Variants in ZMYND8 observed in about 807,000 individuals in gnomAD.
ZMYND8 encodes zinc finger MYND-type containing 8, also known as MYND-type zinc finger-containing chromatin reader ZMYND8.
Under a neutral mutation model 140.8 loss-of-function variants are expected in ZMYND8, and 37 were observed. That is an observed-to-expected ratio of 0.26 (90% CI 0.20 to 0.35). The LOEUF (loss-of-function observed/expected upper bound fraction) is 0.35. ZMYND8 is among the 10% of genes least tolerant of loss of function. The pLI, the probability that ZMYND8 is intolerant of heterozygous loss-of-function variation, is 1.00. For missense variants in ZMYND8, 1,068 were observed against 1,570.0 expected (o/e 0.68, Z 5.40); for synonymous variants, 592 against 597.1 (o/e 0.99, Z 0.12).
intron 2 of ZMYND8, among the ~76,000 whole-genome samples, chr20:47,331,258 C>T (rs1601995923): frequency 6.6e-6 from 1 of 152,070 alleles, no homozygotes; most frequent in African/African-American, 2.4e-5. Flanking sequence ...TGGGAGGGTG[C>T]GGCAGATAGA....
chr20:47,260,944 G>A (rs1300112486), intron 12 of ZMYND8, among the ~76,000 whole-genome samples: 16 of 152,312 alleles, frequency 1.1e-4, no homozygotes, highest in Non-Finnish European at 2.2e-4. Flanking sequence ...AACAGCAGCC[G>A]GGCACAGTGG....
chr20:47,267,245 G>A (rs2075592757), intron 11 of ZMYND8, among the ~76,000 whole-genome samples: 1 of 151,848 alleles, frequency 6.6e-6, no homozygotes. Flanking sequence ...GCTGTGGGGT[G>A]AGAGGTAGGG....
intron 21 of ZMYND8, among the ~76,000 whole-genome samples, chr20:47,214,941 A>G (rs1240676679): frequency 6.6e-6 from 1 of 152,174 alleles, no homozygotes; most frequent in Non-Finnish European, 1.5e-5. Flanking sequence ...TCTGCTGCTG[A>G]CCACGGTGGC....
chr20:47,275,015 G>A (rs374124428), intron 11 of ZMYND8, among the ~76,000 whole-genome samples: 1 of 152,104 alleles, frequency 6.6e-6, no homozygotes, highest in African/African-American at 2.4e-5. Flanking sequence ...GAGAGAGAGA[G>A]AGACCAAGGA....
intron 1 of ZMYND8, chr20:47,356,448 G>C: frequency 6.5e-7 from 1 of 1,546,448 alleles, no homozygotes; most frequent in Non-Finnish European, 8.7e-7. Context: ...CCAGGCCCTT[G>C]CCAGTTTGCA....
At chr20:47,247,805 A>T (rs2040748611) in intron 13 of ZMYND8, among the ~76,000 whole-genome samples, 2 of 152,192 alleles carry the variant, frequency 1.3e-5, no homozygotes, top group Non-Finnish European at 2.9e-5. Flanking sequence ...TGCCTCCACC[A>T]GGGCTCAATC....
chr20:47,212,566 C>T lies in ZMYND8; in HGVS notation c.3568+76G>A, dbSNP rs910188. On this transcript the variant is annotated intron_variant, in intron 22 of 22. Transcript: ENST00000471951. ...ACACACCCACAAAGGAACACATACA[C>T]GGACACACACAGAACAAGCCTTCTG... is the stretch of plus-strand genomic sequence containing the variant. 8,282 of 1,507,782 alleles carry T rather than the reference C, an allele frequency of 5.5e-3. 361 individuals carry two copies. The African/African-American group carries it at 0.094, about 17-fold the overall frequency. 93.4% of individuals were successfully genotyped at this position (1,507,782 alleles called of 1,614,324 possible). A position where few individuals can be genotyped will look rare whatever the true frequency, so the allele number is the denominator to read the frequency against.
At chr20:47,318,003 T>G (rs1349001651) in intron 2 of ZMYND8, among the ~76,000 whole-genome samples, 1 of 152,030 alleles carries the variant, frequency 6.6e-6, no homozygotes, top group Non-Finnish European at 1.5e-5. Context: ...GTAACTGTAT[T>G]TTTTTTAACC....
intron 12 of ZMYND8, among the ~76,000 whole-genome samples, chr20:47,252,016 C>T (rs908903738): frequency 4.0e-5 from 6 of 151,756 alleles, no homozygotes; most frequent in Non-Finnish European, 8.8e-5. Flanking sequence ...AGAGAAATGC[C>T]GGGCGCAGCA....
At chr20:47,247,801 C>T (rs1310600767) in intron 13 of ZMYND8, among the ~76,000 whole-genome samples, 5 of 152,180 alleles carry the variant, frequency 3.3e-5, no homozygotes, top group South Asian at 4.1e-4. Flanking sequence ...TATCTGCCTC[C>T]ACCAGGGCTC....
intron 16 of ZMYND8, among the ~76,000 whole-genome samples, chr20:47,234,576 G>A (rs1365338973): frequency 6.6e-6 from 1 of 152,212 alleles, no homozygotes; most frequent in African/African-American, 2.4e-5. Flanking sequence ...GCCCCGTGGA[G>A]CCATGCCCAG....
At chr20:47,255,766 G>GTATATT (rs2074641049) in intron 12 of ZMYND8, among the ~76,000 whole-genome samples, 2 of 39,834 alleles carry the variant, frequency 5.0e-5, no homozygotes, top group Admixed American at 3.2e-4. Context: ...ATATATATAC[G>GTATATT]GTATATATAT....
rs1318870771 is a variant in ZMYND8 at position 47,267,931 on chromosome 20, C to T, written c.1481-5503G>A. 2.0e-5 allele frequency among the ~76,000 whole-genome samples: 3 copies of T among 152,200 alleles called. No individual in the cohort carries two copies. In the East Asian group the frequency reaches 5.8e-4, roughly 29 times the overall value. ...AGCTCAAACATCACCTCCTCGAAGG[C>T]CTCCCTTGTTGGCCACCTAAAGTGG... On this transcript the variant is annotated intron_variant, in intron 11 of 22. Transcript: ENST00000471951.
chr20:47,238,665 TAA>T (rs529703367), intron 15 of ZMYND8, 91 bp downstream of exon 15: 90 of 1,153,902 alleles, frequency 7.8e-5, no homozygotes, highest in South Asian at 3.0e-4. Flanking sequence ...AAACGAGAAC[TAA>T]AAAAAAAAAA....
intron 11 of ZMYND8, among the ~76,000 whole-genome samples, chr20:47,272,846 T>C (rs2076039506): frequency 6.6e-6 from 1 of 152,252 alleles, no homozygotes; most frequent in African/African-American, 2.4e-5. Flanking sequence ...TATTTTCTAT[T>C]CTATGACATG....
intron 11 of ZMYND8, among the ~76,000 whole-genome samples, chr20:47,264,867 T>G (rs6066255): frequency 0.24 from 36,105 of 151,572 alleles, 4,678 homozygotes; most frequent in Non-Finnish European, 0.3. Flanking sequence ...AAGCCTCATC[T>G]CTACTAAAAA....
intron 2 of ZMYND8, among the ~76,000 whole-genome samples, chr20:47,330,483 C>T (rs531773121): frequency 9.9e-5 from 15 of 151,256 alleles, no homozygotes; most frequent in African/African-American, 2.2e-4. Flanking sequence ...GGATTACAGG[C>T]GTGAGACACC....
At chr20:47,315,819 G>A (rs748591998) in intron 2 of ZMYND8, among the ~76,000 whole-genome samples, 7 of 152,072 alleles carry the variant, frequency 4.6e-5, no homozygotes, top group African/African-American at 7.2e-5. Context: ...GACCCCGCCC[G>A]GCTGGCTCAC....
intron 11 of ZMYND8, among the ~76,000 whole-genome samples, chr20:47,274,470 GC>G (rs1260807443): frequency 3.9e-5 from 6 of 152,174 alleles, no homozygotes; most frequent in African/African-American, 1.2e-4. Context: ...TGAAAAGCAT[GC>G]TCTTTATGGG....
Sources: allele counts gnomAD v4.1 joint callset (sites outside exome capture counted in the v4.1 genomes callset), GRCh38; gene constraint gnomAD v4.1.1; transcripts MANE v1.5; gene names NCBI Gene and HGNC (gene_info 2026-07-23, HGNC 2026-07-21).